ABCA2: variants seen among roughly 807,000 people sequenced by gnomAD.
ABCA2 encodes ATP binding cassette subfamily A member 2.
ABCA2 carries 84 observed loss-of-function variants against 262.8 expected under a neutral mutation model. The ratio of observed to expected loss-of-function variants is 0.32; its 90% CI spans 0.27 to 0.38. The LOEUF is 0.38. Ranked by LOEUF, ABCA2 falls within the 10% of genes least tolerant of loss-of-function variation. The pLI is 1.00. For missense variants in ABCA2, 2,662 were observed against 3,405.9 expected (o/e 0.78, Z 5.44); for synonymous variants, 1,696 against 1,502.9 (o/e 1.13, Z -2.97).
Position 137,017,530 on chromosome 9 carries a change from C to T in ABCA2, c.2374G>A (p.Val792Ile), listed in dbSNP as rs1441038555. The change falls in exon 17 of 49, where the codon GTC (valine) becomes ATC (isoleucine). Residue 792 changes from valine (V) to isoleucine (I), a missense_variant. Coordinates refer to ENST00000341511, the MANE Select transcript of ABCA2 (RefSeq NM_001606.5). ...AACATGATGGTGGCCACCGCGTAGA[C>T]TGCCAGGAAGAGCCAGATGATGACC... ...HVVIIWLFLA[V>I]YAVATIMFCF... The T allele has an allele frequency of 1.9e-6, 3 of 1,610,384 alleles. No individual in the cohort carries two copies. Among genetic ancestry groups the T allele is most frequent in the Admixed American group, 1.7e-5 (1 of 59,966 alleles).
At chr9:137,012,686 A>C (rs1265441088) in intron 31 of ABCA2, 26 bp downstream of exon 31, 2 of 1,611,248 alleles carry the variant, frequency 1.2e-6, no homozygotes, top group Non-Finnish European at 1.7e-6. Flanking sequence ...GGCCACCCTC[A>C]CCCACAGCCT....
rs1412369113 is a variant in ABCA2 at position 137,028,179 on chromosome 9, C to T, written c.-39G>A. 60 of 980,504 alleles carry T rather than the reference C, an allele frequency of 6.1e-5. No homozygotes were observed. The highest frequency in any genetic ancestry group is 7.0e-5 in the Non-Finnish European group (58 of 828,058). 60.7% of individuals were successfully genotyped at this position (980,504 alleles called of 1,614,324 possible). A position where few individuals can be genotyped will look rare whatever the true frequency, so the allele number is the denominator to read the frequency against. ...TCCGCCGCCTCAGCGCCGCGGCCCGCTCCTCTGCGCGCCCCGCCGGGCCCC... is the reference window on the plus strand; with the variant it reads ...TCCGCCGCCTCAGCGCCGCGGCCCGTTCCTCTGCGCGCCCCGCCGGGCCCC... On this transcript the variant is annotated 5_prime_UTR_variant, in exon 1 of 49. Transcript: ENST00000341511. This position sits in a 1 kb window ranked among gnomAD's most constrained non-coding sequence, Gnocchi z 6.9.
In ABCA2 at chr9:137,020,836, C is replaced by A; in HGVS notation, c.1123G>T (p.Ala375Ser). The change falls in exon 9 of 49, where the codon GCA (alanine) becomes TCA (serine). Residue 375 changes from alanine to serine, a missense_variant. Ala to Ser is a moderately conservative substitution (Grantham distance 99). Coordinates refer to ENST00000341511, the MANE Select transcript of ABCA2 (RefSeq NM_001606.5). The part of the protein sequence containing the change: ...GGAANGTGAG[A>S]VMGPNATAEE... ...GCGGTGGCGTTGGGGCCCATGACTGCCCCTGCCCCAGTGCCATTGGCCGCC... is the reference window on the plus strand; with the variant it reads ...GCGGTGGCGTTGGGGCCCATGACTGACCCTGCCCCAGTGCCATTGGCCGCC... 6.4e-7 allele frequency: 1 copy of A among 1,551,892 alleles called. No individual in the cohort carries two copies. Among genetic ancestry groups the A allele is most frequent in the Non-Finnish European group, 8.7e-7 (1 of 1,147,410 alleles).
intron 1 of ABCA2, chr9:137,027,780 C>G (rs1166104354): frequency 4.6e-5 from 7 of 152,364 alleles, no homozygotes; most frequent in Non-Finnish European, 1.5e-5. Context: ...TGCCCCCCGC[C>G]CACAGCGGCC....
Position 137,018,315 on chromosome 9 carries a change from G to A in ABCA2, c.1856C>T (p.Pro619Leu), listed in dbSNP as rs931279890. 3.7e-6 allele frequency: 6 copies of A among 1,605,654 alleles called. No individual in the cohort carries two copies. Among genetic ancestry groups the A allele is most frequent in the African/African-American group, 1.4e-5 (1 of 72,522 alleles). The change falls in exon 14 of 49, where the codon CCG (proline) becomes CTG (leucine). Residue 619 changes from proline (P) to leucine (L), a missense_variant. This residue lies in a region of ABCA2 where 187 missense variants were observed against 205.9 expected (regional missense o/e 0.91). Transcript: ENST00000341511. ...IFQTRKDGSL[P>L]PHVHYKIRQN... is the part of the protein sequence containing the mutation. ...GCGGATCTTGTAGTGCACGTGAGGC[G>A]GGAGCGAGCCGTCCTTCCGGGTCTG...
At chr9:137,008,100 T>C in intron 48 of ABCA2, 136 bp from the exon 49 acceptor site, 3 of 1,141,352 alleles carry the variant, frequency 2.6e-6, no homozygotes, top group Non-Finnish European at 3.7e-6. Flanking sequence ...GCTCCCTCTG[T>C]GTCTGGGCTC....
rs753602662 is a variant in ABCA2, at chr9:137,014,037, C to T, written c.4242G>A (p.Glu1414=). 9 of 1,610,540 alleles carry T rather than the reference C, an allele frequency of 5.6e-6. No homozygotes were observed. The highest frequency in any genetic ancestry group is 7.6e-6 in the Non-Finnish European group (9 of 1,179,792). Residue 1414 remains glutamate (E), a splice_region_variant and synonymous_variant, in exon 28 of 49, where the codon GAG becomes GAA. Transcript: ENST00000341511. The part of the protein sequence containing the change: ...PQDPDNVSLQ[E]VEAEALSRVG... Reference sequence around the variant, plus strand: ...CCCTCGACAGGGCCTCTGCCTCCACCTCTGTGCAGAGAGGTAGAGGCTGAG... The same window carrying T: ...CCCTCGACAGGGCCTCTGCCTCCACTTCTGTGCAGAGAGGTAGAGGCTGAG...
rs1831149686 is a variant in ABCA2, at chr9:137,013,640, C to T, written c.4448-77G>A. The T allele has an allele frequency of 2.1e-6, 3 of 1,460,142 alleles. No individual in the cohort carries two copies. In the East Asian group the frequency reaches 7.1e-5, roughly 35 times the overall value. 90.4% of individuals were successfully genotyped at this position (1,460,142 alleles called of 1,614,324 possible). On this transcript the variant is annotated intron_variant, in intron 28 of 48. Transcript: ENST00000341511. Reference sequence around the variant, plus strand: ...CCCCCAAGCCTCGGTCCCCTTCCCCCAACCCCAAGGGATCCACGCCTGGGG... The same window carrying T: ...CCCCCAAGCCTCGGTCCCCTTCCCCTAACCCCAAGGGATCCACGCCTGGGG...
Position 137,014,054 on chromosome 9 carries a change from G to A in ABCA2, c.4241-16C>T, listed in dbSNP as rs757163245. 6.2e-6 allele frequency: 10 copies of A among 1,608,292 alleles called. No homozygotes were observed. In the South Asian group the frequency reaches 9.9e-5, roughly 16 times the overall value. On this transcript the variant is annotated splice_polypyrimidine_tract_variant and intron_variant, in intron 27 of 48. Transcript: ENST00000341511. ...GCCTCCACCTCTGTGCAGAGAGGTA[G>A]AGGCTGAGCAGGTGGTTGCACGCTA... is the stretch of plus-strand genomic sequence containing the variant.
At chr9:137,028,840 C>T (rs1434584489), upstream of ABCA2, 1 of 1,320,172 alleles carries the variant, frequency 7.6e-7, no homozygotes, top group Admixed American at 2.2e-5. The surrounding 1 kb of genome is among the most constrained non-coding windows in gnomAD (Gnocchi z 6.9). Context: ...ACCGAGGCGG[C>T]CCCTGCTGCA....
chr9:137,009,473 T>C lies in ABCA2; in HGVS notation c.6735-11A>G. On this transcript the variant is annotated splice_polypyrimidine_tract_variant and intron_variant, in intron 44 of 48. Coordinates refer to ENST00000341511, the MANE Select transcript of ABCA2 (RefSeq NM_001606.5). The stretch of plus-strand genomic sequence containing the variant: ...TCGCACTCCTCCATGCTGTGGGACA[T>C]GCACAGGCTGGCACCGGAAGGGGTG... 1.2e-6 allele frequency: 2 copies of C among 1,610,770 alleles called. No individual in the cohort carries two copies. The highest frequency in any genetic ancestry group is 1.7e-6 in the Non-Finnish European group (2 of 1,179,156).
In ABCA2 at chr9:137,019,370, A is replaced by G. The variant is rs1162179057; in HGVS notation, c.1426-64T>C. 1 of 1,556,856 alleles carries G rather than the reference A, an allele frequency of 6.4e-7. No individual in the cohort carries two copies. The highest frequency in any genetic ancestry group is 8.7e-7 in the Non-Finnish European group (1 of 1,147,614). On this transcript the variant is annotated intron_variant, in intron 10 of 48. Transcript: ENST00000341511. This position sits in a 1 kb window ranked among gnomAD's most constrained non-coding sequence, Gnocchi z 4.4. ...GACCCCCACCGACTTGGGGGCTCTC[A>G]CCCCACTCACCTCCCCAGTGGCTGG... is the stretch of plus-strand genomic sequence containing the variant.
chr9:137,010,073 C>T lies in ABCA2; in HGVS notation c.6405G>A (p.Gln2135=). 5 of 1,600,516 alleles carry T rather than the reference C, an allele frequency of 3.1e-6. No homozygotes were observed. Among genetic ancestry groups the T allele is most frequent in the East Asian group, 2.2e-5 (1 of 44,466 alleles). ...QVQQSLGYCP[Q]CDALFDELTA... Reference sequence around the variant, plus strand: ...TGAGCTCGTCGAACAGCGCGTCACACTGCGGGCAGTAGCCGAGGCTCTGCT... The same window carrying T: ...TGAGCTCGTCGAACAGCGCGTCACATTGCGGGCAGTAGCCGAGGCTCTGCT... The change falls in exon 42 of 49, where the codon CAG becomes CAA. Residue 2135 remains glutamine (Q), a synonymous_variant. Transcript: ENST00000341511.
At chr9:137,012,438 C>T (rs375608813) in intron 32 of ABCA2, 47 bp downstream of exon 32, 1,119 of 1,608,850 alleles carry the variant, frequency 7.0e-4, no homozygotes, top group Non-Finnish European at 8.9e-4. Flanking sequence ...CTGCAGACCT[C>T]GGGCGGCGCT....
Position 137,011,527 on chromosome 9 carries a change from C to T in ABCA2, c.5679G>A (p.Pro1893=), listed in dbSNP as rs749983897. 7.4e-5 allele frequency: 117 copies of T among 1,590,508 alleles called. No homozygotes were observed. Among genetic ancestry groups the T allele is most frequent in the South Asian group, 5.2e-4 (46 of 88,308 alleles). Reference sequence around the variant, plus strand: ...TGGGGACCTCGAACCAGAAGGAGGCCGGGTACATGATGGGCGTGATGGACC... The same window carrying T: ...TGGGGACCTCGAACCAGAAGGAGGCTGGGTACATGATGGGCGTGATGGACC... The part of the protein sequence containing the change: ...YGWSITPIMY[P]ASFWFEVPSS... Residue 1893 remains proline, a synonymous_variant, in exon 37 of 49, where the codon CCG becomes CCA. Coordinates refer to ENST00000341511, the MANE Select transcript of ABCA2 (RefSeq NM_001606.5). The surrounding 1 kb of genome is among the most constrained non-coding windows in gnomAD (Gnocchi z 8.8).
rs1161304468 is a variant in ABCA2, at chr9:137,017,450, C to T, written c.2402+52G>A. ...GGGCTCTGAGAGGATGTGGGGTGAG[C>T]TTGCTGGGCAAGTGCCTGCCCCAGG... On this transcript the variant is annotated intron_variant, in intron 17 of 48. Coordinates refer to ENST00000341511, the MANE Select transcript of ABCA2 (RefSeq NM_001606.5). 26 of 1,595,946 alleles carry T rather than the reference C, an allele frequency of 1.6e-5. 1 individual carries two copies. The South Asian group carries it at 2.1e-4, about 13-fold the overall frequency.
In ABCA2 at chr9:137,013,839, C is replaced by T. The variant is rs201600109; in HGVS notation, c.4440G>A (p.Pro1480=). ...CVAMTVALSV[P]EIGDLPPLVL... is the part of the protein sequence containing the mutation. ...GTCCAGCCGGTGGCCTACCAATCTC[C>T]GGGACGGACAGGGCCACGGTCATGG... The change falls in exon 28 of 49, where the codon CCG becomes CCA. Residue 1480 remains proline (P), a synonymous_variant. Transcript: ENST00000341511. The T allele has an allele frequency of 5.2e-4, 841 of 1,605,618 alleles. No individual in the cohort carries two copies. Among genetic ancestry groups the T allele is most frequent in the Middle Eastern group, 1.3e-3 (8 of 6,046 alleles).
At position 137,022,386 on chromosome 9, in the gene ABCA2, G is replaced by C. The variant is rs1322989398; in HGVS notation, c.532C>G (p.Gln178Glu). The C allele has an allele frequency of 3.1e-6, 5 of 1,611,114 alleles. No individual in the cohort carries two copies. In the South Asian group the frequency reaches 5.5e-5, roughly 18 times the overall value. ...TCCACACGGGCGGCCAAGAGTGCTT[G>C]GGCCGTGCTATTGGGCAGCGACAAG... ...QNLSLPNSTA[Q>E]ALLAARVDPP... is the part of the protein sequence containing the mutation. Residue 178 changes from glutamine to glutamate, a missense_variant, in exon 6 of 49, where the codon CAA becomes GAA. Gln to Glu is a conservative substitution (Grantham distance 29). Coordinates refer to ENST00000341511, the MANE Select transcript of ABCA2 (RefSeq NM_001606.5).
chr9:137,011,980 A>T lies in ABCA2; in HGVS notation c.5399T>A (p.Ile1800Asn). ...GTDVVIAIFI[I>N]VAMSFVPASF... ...GGCCGGCACGAAGGACATGGCCACG[A>T]TGATGAAGATGGCGATGACGACATC... Residue 1800 changes from isoleucine to asparagine, a missense_variant, in exon 35 of 49, where the codon ATC becomes AAC. Physicochemically the swap from Ile to Asn is moderately radical, Grantham distance 149. Around this residue, in one of 12 missense-constraint regions of ABCA2, gnomAD observed 602 missense variants for 897.4 expected, o/e 0.67. Coordinates refer to ENST00000341511, the MANE Select transcript of ABCA2 (RefSeq NM_001606.5). This position sits in a 1 kb window ranked among gnomAD's most constrained non-coding sequence, Gnocchi z 8.8. The T allele has an allele frequency of 6.2e-7, 1 of 1,612,652 alleles. No homozygotes were observed. The highest frequency in any genetic ancestry group is 1.3e-5 in the African/African-American group (1 of 75,046).
Sources: gnomAD v4.1 joint callset for allele counts on GRCh38, gnomAD v4.1.1 for gene constraint, gnomAD v4.1.1 regional missense constraint, Gnocchi (gnomAD v3.1) non-coding constraint, MANE v1.5 for transcripts, NCBI Gene and HGNC (gene_info 2026-07-23, HGNC 2026-07-21) for gene names.